RPS6KA6: variants seen among roughly 807,000 people sequenced by gnomAD.
RPS6KA6 encodes the protein ribosomal protein S6 kinase alpha-6.
In RPS6KA6, 27 loss-of-function variants were observed where a neutral mutation model predicts 65.4. The ratio of observed to expected loss-of-function variants is 0.41; its 90% CI spans 0.30 to 0.57. The LOEUF (loss-of-function observed/expected upper bound fraction) is 0.57. Among genes scored for constraint, RPS6KA6 ranks in the 20% least tolerant of loss-of-function variants. The probability of loss-of-function intolerance (pLI) is 0.24; values close to 1 mark genes in which losing one functional copy is unlikely to be tolerated. For missense variants in RPS6KA6, 486 were observed against 555.6 expected (o/e 0.87, Z 1.26); for synonymous variants, 190 against 184.2 (o/e 1.03, Z -0.26).
At position 84,152,621 on chromosome X, in the gene RPS6KA6, C is replaced by A. The variant is rs189751624; in HGVS notation, c.258+3454G>T. ...ATGTACTCATTAGTTATTCAATCAACAAATTAACAGTCATTAAGCACATAT... is the reference window on the plus strand; with the variant it reads ...ATGTACTCATTAGTTATTCAATCAAAAAATTAACAGTCATTAAGCACATAT... On this transcript the variant is annotated intron_variant, in intron 3 of 21. Coordinates refer to ENST00000262752, the MANE Select transcript of RPS6KA6 (RefSeq NM_014496.5). Among the ~76,000 whole-genome samples the A allele has an allele frequency of 8.1e-5, 9 of 111,583 alleles. No individual in the cohort carries two copies. In the East Asian group the frequency reaches 2.5e-3, roughly 31 times the overall value.
chrX:84,090,412 T>C (rs2034020201), intron 20 of RPS6KA6, among the ~76,000 whole-genome samples: 1 of 112,001 alleles, frequency 8.9e-6, no homozygotes, highest in Non-Finnish European at 1.9e-5. Flanking sequence ...CTTCAATATA[T>C]TATTTTAACT....
intron 8 of RPS6KA6, among the ~76,000 whole-genome samples, chrX:84,126,781 A>T (rs2034797710): frequency 9.0e-6 from 1 of 111,531 alleles, no homozygotes; most frequent in East Asian, 2.8e-4. Context: ...AAGAAATTTA[A>T]AAATTTCTTG....
chrX:84,150,995 TATATATAGAGAGG>T (rs1226886509), intron 3 of RPS6KA6, among the ~76,000 whole-genome samples: 1 of 79,330 alleles, frequency 1.3e-5, no homozygotes, highest in Non-Finnish European at 2.5e-5. Flanking sequence ...ATATAGAGGA[TATATATAGAGAGG>T]ATATATAGAG....
intron 2 of RPS6KA6, 84 bp downstream of exon 2, chrX:84,164,244 T>C (rs887702652): frequency 5.2e-5 from 37 of 706,249 alleles, no homozygotes; most frequent in Non-Finnish European, 7.7e-5. Flanking sequence ...ATATATTTGT[T>C]TGATAGGAGC....
At chrX:84,172,264 GA>G (rs1461922590) in intron 1 of RPS6KA6, among the ~76,000 whole-genome samples, 28 of 111,551 alleles carry the variant, frequency 2.5e-4, no homozygotes, top group Non-Finnish European at 4.9e-4. Flanking sequence ...CCATTAATGG[GA>G]TTGCTAGATC....
chrX:84,098,902 A>G (rs1222688446), intron 18 of RPS6KA6, among the ~76,000 whole-genome samples: 1 of 111,613 alleles, frequency 9.0e-6, no homozygotes, highest in Non-Finnish European at 1.9e-5. Flanking sequence ...TACTTAACAA[A>G]TAACAAGGTA....
At chrX:84,097,491 A>C (rs1000753048) in intron 19 of RPS6KA6, among the ~76,000 whole-genome samples, 4 of 111,492 alleles carry the variant, frequency 3.6e-5, no homozygotes, top group African/African-American at 1.3e-4. Flanking sequence ...TTTATGATTA[A>C]ATAAATATTT....
chrX:84,080,793 C>T (rs2033779748), intron 20 of RPS6KA6, among the ~76,000 whole-genome samples: 1 of 111,126 alleles, frequency 9.0e-6, no homozygotes, highest in Non-Finnish European at 1.9e-5. Flanking sequence ...GAAAACAGTG[C>T]AATCAAACTG....
chrX:84,177,381 C>A lies in RPS6KA6; in HGVS notation c.81+10438G>T, dbSNP rs780907994. Among the ~76,000 whole-genome samples the A allele has an allele frequency of 2.9e-4, 32 of 111,302 alleles. 1 individual carries two copies. Among genetic ancestry groups the A allele is most frequent in the Admixed American group, 6.7e-4 (7 of 10,415 alleles). On this transcript the variant is annotated intron_variant, in intron 1 of 21. Coordinates refer to ENST00000262752, the MANE Select transcript of RPS6KA6 (RefSeq NM_014496.5). The stretch of plus-strand genomic sequence containing the variant: ...CTAAGTGCTTTACATATATTATATG[C>A]TACTGTTATCCCCATTTTACAGATA...
chrX:84,083,631 T>C (rs1356847927), intron 20 of RPS6KA6, among the ~76,000 whole-genome samples: 3 of 112,486 alleles, frequency 2.7e-5, no homozygotes, highest in African/African-American at 9.7e-5. Context: ...TTGATGGGCA[T>C]GTGGGTTGAT....
At chrX:84,100,954 G>C (rs887897842) in intron 18 of RPS6KA6, among the ~76,000 whole-genome samples, 1 of 109,721 alleles carries the variant, frequency 9.1e-6, no homozygotes, top group African/African-American at 3.3e-5. Context: ...TTTTATAGTA[G>C]CTACTTTAAA....
At chrX:84,129,813 T>C (rs1204842893) in intron 8 of RPS6KA6, among the ~76,000 whole-genome samples, 1 of 110,618 alleles carries the variant, frequency 9.0e-6, no homozygotes, top group Non-Finnish European at 1.9e-5. Flanking sequence ...CTCATGGAAA[T>C]AGAGTAGAAG....
rs757938556 is a variant in RPS6KA6, at chrX:84,113,080, T to C, written c.1008+3149A>G. 3.6e-5 allele frequency among the ~76,000 whole-genome samples: 4 copies of C among 111,423 alleles called. No homozygotes were observed. In the South Asian group the frequency reaches 1.5e-3, roughly 42 times the overall value. On this transcript the variant is annotated intron_variant, in intron 12 of 21. Transcript: ENST00000262752. ...CTAGAAAAGCTAGATGATGGATAAATTCCTGGAAACATACAGTCTCCCAAG... is the reference window on the plus strand; with the variant it reads ...CTAGAAAAGCTAGATGATGGATAAACTCCTGGAAACATACAGTCTCCCAAG...
intron 12 of RPS6KA6, among the ~76,000 whole-genome samples, chrX:84,112,392 C>G (rs1248306509): frequency 8.9e-6 from 1 of 112,017 alleles, no homozygotes; most frequent in East Asian, 2.8e-4. Context: ...GCCCATGTAA[C>G]ACTCTCCAAA....
intron 18 of RPS6KA6, among the ~76,000 whole-genome samples, chrX:84,099,884 C>T (rs1321042182): frequency 9.0e-6 from 1 of 111,142 alleles, no homozygotes; most frequent in Admixed American, 9.6e-5. Context: ...TTGCAATAAT[C>T]AGTGTAGCTC....
At chrX:84,065,683 A>T (rs970959428) in intron 20 of RPS6KA6, among the ~76,000 whole-genome samples, 7 of 111,820 alleles carry the variant, frequency 6.3e-5, no homozygotes, top group Admixed American at 5.7e-4. Flanking sequence ...TGTTGCAATT[A>T]AAAAAGTTGT....
At chrX:84,090,954 G>T (rs1569378164) in intron 20 of RPS6KA6, among the ~76,000 whole-genome samples, 1 of 112,032 alleles carries the variant, frequency 8.9e-6, no homozygotes, top group Non-Finnish European at 1.9e-5. Flanking sequence ...ATGAAACAAG[G>T]TAATAAATCC....
chrX:84,164,209 A>G (rs2035562207), intron 2 of RPS6KA6, 119 bp downstream of exon 2: 1 of 536,324 alleles, frequency 1.9e-6, no homozygotes, highest in African/African-American at 2.4e-5. Flanking sequence ...TAATAATTCC[A>G]TTTGCTTATT....
At position 84,061,290 on chromosome X, in the gene RPS6KA6, CAT is replaced by C. The variant is rs888341308; in HGVS notation, c.*2985_*2986del. The C allele has an allele frequency of 5.4e-5, 6 of 112,130 alleles. No homozygotes were observed. Among genetic ancestry groups the C allele is most frequent in the African/African-American group, 1.6e-4 (5 of 30,920 alleles). The allele number at this position is 112,130 out of a possible 1,213,427, so 9.2% of individuals were successfully genotyped here. ...GTTTCTCTGGGCAGTACTATTTTAA[CAT>C]GTTGTTCCAATGGGCAGACATTATA... On this transcript the variant is annotated 3_prime_UTR_variant, in exon 22 of 22. Coordinates refer to ENST00000262752, the MANE Select transcript of RPS6KA6 (RefSeq NM_014496.5).
Sources: allele counts gnomAD v4.1 joint callset (sites outside exome capture counted in the v4.1 genomes callset), GRCh38; gene constraint gnomAD v4.1.1; transcripts MANE v1.5; gene names NCBI Gene and HGNC (gene_info 2026-07-23, HGNC 2026-07-21).